The following SUCLG2 variants were observed in gnomAD, a reference collection of about 807,000 sequenced individuals.
SUCLG2 encodes the protein succinate--CoA ligase [GDP-forming] subunit beta, mitochondrial.
Under a neutral mutation model 47.9 loss-of-function variants are expected in SUCLG2, and 42 were observed. The ratio of observed to expected loss-of-function variants is 0.88; its 90% CI spans 0.69 to 1.14. The LOEUF is 1.14. Among genes scored for constraint, SUCLG2 ranks in the 50% most tolerant of loss-of-function variants. The probability of loss-of-function intolerance (pLI) is 0.00; values close to 1 mark genes in which losing one functional copy is unlikely to be tolerated. For missense variants in SUCLG2, 571 were observed against 525.9 expected, an observed-to-expected ratio of 1.09 and a Z score of -0.84; for synonymous variants, 195 against 197.3, an observed-to-expected ratio of 0.99 and a Z score of 0.10.
intron 2 of SUCLG2, among the ~76,000 whole-genome samples, chr3:67,593,903 A>T (rs956490617): frequency 1.3e-5 from 2 of 152,206 alleles, no homozygotes; most frequent in Non-Finnish European, 2.9e-5. Flanking sequence ...TCTTCCCACT[A>T]GAGGCCCTGA....
At chr3:67,395,851 C>T (rs1251824742) in intron 10 of SUCLG2, among the ~76,000 whole-genome samples, 1 of 152,112 alleles carries the variant, frequency 6.6e-6, no homozygotes, top group Non-Finnish European at 1.5e-5. Flanking sequence ...CAAACTAGAA[C>T]TCAGGATTAA....
At chr3:67,410,151 G>A (rs549595310) in intron 9 of SUCLG2, among the ~76,000 whole-genome samples, 1 of 152,176 alleles carries the variant, frequency 6.6e-6, no homozygotes, top group East Asian at 1.9e-4. Context: ...TTCAGGAGCT[G>A]GTATGTTTGT....
At chr3:67,585,873 A>C (rs1189186968) in intron 2 of SUCLG2, among the ~76,000 whole-genome samples, 1 of 148,376 alleles carries the variant, frequency 6.7e-6, no homozygotes, top group Non-Finnish European at 1.5e-5. Context: ...AGGCTGAGGC[A>C]GGAGAATCGC....
At chr3:67,379,017 G>A (rs950903877) in intron 10 of SUCLG2, among the ~76,000 whole-genome samples, 2 of 152,192 alleles carry the variant, frequency 1.3e-5, no homozygotes, top group African/African-American at 4.8e-5. Flanking sequence ...CGTGATCTCA[G>A]CTCACTGCAA....
At chr3:67,647,754 C>T (rs1701216752) in intron 1 of SUCLG2, among the ~76,000 whole-genome samples, 2 of 152,226 alleles carry the variant, frequency 1.3e-5, no homozygotes, top group South Asian at 4.1e-4. Context: ...ACCAGACATT[C>T]ATCCCAACTG....
intron 9 of SUCLG2, among the ~76,000 whole-genome samples, chr3:67,466,631 T>C (rs1704479133): frequency 6.6e-6 from 1 of 152,220 alleles, no homozygotes; most frequent in Non-Finnish European, 1.5e-5. Flanking sequence ...CAAGATGAGA[T>C]GACACTGAAG....
intron 2 of SUCLG2, among the ~76,000 whole-genome samples, chr3:67,563,019 T>G (rs920267784): frequency 1.3e-5 from 2 of 151,056 alleles, no homozygotes; most frequent in Non-Finnish European, 2.9e-5. Flanking sequence ...ATGTTTGATA[T>G]AGCTTAGGAA....
chr3:67,633,731 T>G (rs1342933100), intron 1 of SUCLG2, among the ~76,000 whole-genome samples: 1 of 152,178 alleles, frequency 6.6e-6, no homozygotes, highest in Non-Finnish European at 1.5e-5. Context: ...GACAGTTATT[T>G]AATGCACGCT....
chr3:67,554,176 G>C (rs1250593040), intron 2 of SUCLG2, among the ~76,000 whole-genome samples: 1 of 152,158 alleles, frequency 6.6e-6, no homozygotes, highest in African/African-American at 2.4e-5. Flanking sequence ...CATACAGAGT[G>C]ATCTCAAAGA....
intron 2 of SUCLG2, among the ~76,000 whole-genome samples, chr3:67,591,067 A>T (rs926001278): frequency 3.9e-5 from 6 of 152,210 alleles, no homozygotes; most frequent in South Asian, 2.1e-4. Context: ...CATAATATAC[A>T]CTAATGCTGT....
intron 1 of SUCLG2, among the ~76,000 whole-genome samples, chr3:67,612,423 G>T (rs953962595): frequency 2.7e-5 from 3 of 112,928 alleles, no homozygotes; most frequent in African/African-American, 1.3e-4. Flanking sequence ...TGCATTCTCA[G>T]TTGTAAAAAA....
intron 10 of SUCLG2, among the ~76,000 whole-genome samples, chr3:67,398,129 AAC>A (rs931676951): frequency 6.7e-6 from 1 of 150,318 alleles, no homozygotes; most frequent in African/African-American, 2.4e-5. Context: ...TCATGTGTAA[AAC>A]ACCAAAAGCA....
chr3:67,601,416 T>G (rs1169702290), intron 2 of SUCLG2, among the ~76,000 whole-genome samples: 1 of 152,226 alleles, frequency 6.6e-6, no homozygotes, highest in African/African-American at 2.4e-5. Flanking sequence ...TGTCTAATTA[T>G]GTTTAAGATT....
chr3:67,397,647 T>C (rs945727264), intron 10 of SUCLG2, among the ~76,000 whole-genome samples: 33 of 152,270 alleles, frequency 2.2e-4, no homozygotes, highest in African/African-American at 7.5e-4. Flanking sequence ...AATGACTTTC[T>C]TCACAGAATT....
At chr3:67,622,271 G>A (rs1700748931) in intron 1 of SUCLG2, among the ~76,000 whole-genome samples, 1 of 152,048 alleles carries the variant, frequency 6.6e-6, no homozygotes, top group South Asian at 2.1e-4. Context: ...TAGAACAAGA[G>A]GAACACATAA....
chr3:67,568,448 G>C (rs1432771620), intron 2 of SUCLG2, among the ~76,000 whole-genome samples: 2 of 152,166 alleles, frequency 1.3e-5, no homozygotes, highest in East Asian at 1.9e-4. Context: ...GAGAGAAAAC[G>C]TGAGAAAATG....
intron 1 of SUCLG2, among the ~76,000 whole-genome samples, chr3:67,617,336 C>T (rs535255619): frequency 1.3e-5 from 2 of 152,262 alleles, no homozygotes; most frequent in South Asian, 4.2e-4. Flanking sequence ...ACTTCTCTTT[C>T]AGCATGAAAA....
At chr3:67,397,117 C>T (rs1394180295) in intron 10 of SUCLG2, among the ~76,000 whole-genome samples, 1 of 151,470 alleles carries the variant, frequency 6.6e-6, no homozygotes, top group East Asian at 1.9e-4. Flanking sequence ...TGGCACAAGA[C>T]AGGGATGCCC....
At chr3:67,381,614 A>T (rs1237279612) in intron 10 of SUCLG2, among the ~76,000 whole-genome samples, 1 of 152,196 alleles carries the variant, frequency 6.6e-6, no homozygotes, top group Non-Finnish European at 1.5e-5. Context: ...AACACTTTTA[A>T]TAACCACCTG....
Sources: allele counts gnomAD v4.1 joint callset (sites outside exome capture counted in the v4.1 genomes callset), GRCh38; gene constraint gnomAD v4.1.1; transcripts MANE v1.5; gene names NCBI Gene and HGNC (gene_info 2026-07-23, HGNC 2026-07-21).